MPV17L: variants seen among roughly 807,000 people sequenced by gnomAD.
The protein encoded by MPV17L is MPV17 mitochondrial inner membrane protein like.
MPV17L carries 24 observed loss-of-function variants against 25.8 expected under a neutral mutation model. That is an observed-to-expected ratio of 0.93 (90% CI 0.67 to 1.31). The LOEUF (loss-of-function observed/expected upper bound fraction) is 1.31, where lower values mean the gene tolerates loss of function less well. Ranked by LOEUF, MPV17L falls within the 50% of genes most tolerant of loss-of-function variation. The pLI is 0.00. For missense variants in MPV17L, 250 were observed against 265.6 expected, an observed-to-expected ratio of 0.94 and a Z score of 0.41; for synonymous variants, 102 against 115.3, an observed-to-expected ratio of 0.88 and a Z score of 0.74.
chr16:15,398,690 G>A (rs970377953), intron 1 of MPV17L, among the ~76,000 whole-genome samples: 2 of 149,846 alleles, frequency 1.3e-5, no homozygotes, highest in Non-Finnish European at 3.0e-5. Context: ...CCAGGTTCAA[G>A]CGATTCTCCT....
rs371067694 is a variant in MPV17L, at chr16:15,398,050, C to CT, written c.310+1853dup. On this transcript the variant is annotated intron_variant, in intron 1 of 3. Coordinates refer to ENST00000396385, the MANE Select transcript of MPV17L (RefSeq NM_001128423.2). ...CTAGTGAGATTGTTCTCTTTTTCTT[C>CT]TTTTTTTTTTGAGACAGAGTCTCGC... 3.4e-3 allele frequency among the ~76,000 whole-genome samples: 514 copies of CT among 149,264 alleles called. 2 individuals carry two copies. Among genetic ancestry groups the CT allele is most frequent in the Middle Eastern group, 6.9e-3 (2 of 290 alleles).
In MPV17L at chr16:15,413,195, G is replaced by C. The variant is rs549167752; in HGVS notation, c.*5083G>C. ...GCCTGAAGATTTTGATGTTGCATTT[G>C]GCTACATTTAATCCACTTTCACCCA... is the stretch of plus-strand genomic sequence containing the variant. On this transcript the variant is annotated 3_prime_UTR_variant, in exon 4 of 4. Coordinates refer to ENST00000396385, the MANE Select transcript of MPV17L (RefSeq NM_001128423.2). 8 of 152,128 alleles carry C rather than the reference G, an allele frequency of 5.3e-5. No homozygotes were observed. In the South Asian group the frequency reaches 1.5e-3, roughly 28 times the overall value. 9.4% of individuals were successfully genotyped at this position (152,128 alleles called of 1,614,324 possible).
In MPV17L at chr16:15,408,548, A is replaced by T. The variant is rs2050702707; in HGVS notation, c.*436A>T. On this transcript the variant is annotated 3_prime_UTR_variant, in exon 4 of 4. Coordinates refer to ENST00000396385, the MANE Select transcript of MPV17L (RefSeq NM_001128423.2). ...AGAACTCAATCGAAATGAAGATTTAATAACCAGATTTCTTTCTCCAAAACA... is the reference window on the plus strand; with the variant it reads ...AGAACTCAATCGAAATGAAGATTTATTAACCAGATTTCTTTCTCCAAAACA... 1.3e-5 allele frequency: 2 copies of T among 153,308 alleles called. No individual in the cohort carries two copies. Among genetic ancestry groups the T allele is most frequent in the Admixed American group, 6.5e-5 (1 of 15,280 alleles). The allele number at this position is 153,308 out of a possible 1,614,324, so 9.5% of individuals were successfully genotyped here.
chr16:15,398,590 CTTTTTT>C (rs397742667), intron 1 of MPV17L, among the ~76,000 whole-genome samples: 28 of 137,094 alleles, frequency 2.0e-4, no homozygotes, highest in Middle Eastern at 3.7e-3. Context: ...TTCTTTCTTT[CTTTTTT>C]TTTTTTTTTG....
Position 15,411,617 on chromosome 16 carries a change from A to C in MPV17L, c.*3505A>C, listed in dbSNP as rs1431413914. 1 of 152,210 alleles carries C rather than the reference A, an allele frequency of 6.6e-6. No homozygotes were observed. Among genetic ancestry groups the C allele is most frequent in the African/African-American group, 2.4e-5 (1 of 41,456 alleles). The allele number at this position is 152,210 out of a possible 1,614,324, so 9.4% of individuals were successfully genotyped here. A position where few individuals can be genotyped will look rare whatever the true frequency, so the allele number is the denominator to read the frequency against. On this transcript the variant is annotated 3_prime_UTR_variant, in exon 4 of 4. Coordinates refer to ENST00000396385, the MANE Select transcript of MPV17L (RefSeq NM_001128423.2). ...TAAATGGATGCAACTGAATGAGATG[A>C]GGTCTCTCTTGAAGGAGAGAGCAAA...
In MPV17L at chr16:15,410,718, T is replaced by C. The variant is rs1415939503; in HGVS notation, c.*2606T>C. ...ACTATATACCTAAAAATTGAGCATA[T>C]AATTTGTATAATTTGTTTATGTAAG... is the stretch of plus-strand genomic sequence containing the variant. On this transcript the variant is annotated 3_prime_UTR_variant, in exon 4 of 4. Coordinates refer to ENST00000396385, the MANE Select transcript of MPV17L (RefSeq NM_001128423.2). 2 of 152,230 alleles carry C rather than the reference T, an allele frequency of 1.3e-5. No individual in the cohort carries two copies. Among genetic ancestry groups the C allele is most frequent in the South Asian group, 4.1e-4 (2 of 4,838 alleles). The allele number at this position is 152,230 out of a possible 1,614,324, so 9.4% of individuals were successfully genotyped here. A position where few individuals can be genotyped will look rare whatever the true frequency, so the allele number is the denominator to read the frequency against.
At position 15,396,147 on chromosome 16, in the gene MPV17L, G is replaced by T. The variant is rs1181855897; in HGVS notation, c.250G>T (p.Ala84Ser). 5.2e-6 allele frequency: 8 copies of T among 1,549,348 alleles called. No individual in the cohort carries two copies. In the Admixed American group the frequency reaches 7.8e-5, roughly 15 times the overall value. Residue 84 changes from alanine (A) to serine (S), a missense_variant, in exon 1 of 4, where the codon GCC (alanine) becomes TCC (serine). Coordinates refer to ENST00000396385, the MANE Select transcript of MPV17L (RefSeq NM_001128423.2). ...LPGRAPHALL[A>S]KLLCDQVVGA... ...GGGCCGAGCGCCGCACGCCCTGCTGGCCAAGTTGCTGTGCGACCAGGTGGT... is the reference window on the plus strand; with the variant it reads ...GGGCCGAGCGCCGCACGCCCTGCTGTCCAAGTTGCTGTGCGACCAGGTGGT...
At chr16:15,397,724 G>C (rs1445336942) in intron 1 of MPV17L, among the ~76,000 whole-genome samples, 1 of 152,054 alleles carries the variant, frequency 6.6e-6, no homozygotes, top group Non-Finnish European at 1.5e-5. Context: ...AACCTACCCT[G>C]CCCCGTGTGC....
chr16:15,400,888 A>G, intron 2 of MPV17L, 31 bp downstream of exon 2: 2 of 1,471,306 alleles, frequency 1.4e-6, no homozygotes, highest in Non-Finnish European at 1.9e-6. Flanking sequence ...TGTAATCACT[A>G]TATTTTTGTG....
chr16:15,403,165 C>G (rs541830273), intron 2 of MPV17L, among the ~76,000 whole-genome samples: 1 of 150,224 alleles, frequency 6.7e-6, no homozygotes, highest in East Asian at 2.0e-4. Flanking sequence ...GTCAGGAGAT[C>G]GAGACCATCC....
rs1414782148 is a variant in MPV17L, at chr16:15,413,143, A to T, written c.*5031A>T. 1 of 152,200 alleles carries T rather than the reference A, an allele frequency of 6.6e-6. No homozygotes were observed. The highest frequency in any genetic ancestry group is 6.6e-5 in the Admixed American group (1 of 15,262). The allele number at this position is 152,200 out of a possible 1,614,324, so 9.4% of individuals were successfully genotyped here. On this transcript the variant is annotated 3_prime_UTR_variant, in exon 4 of 4. Transcript: ENST00000396385. The stretch of plus-strand genomic sequence containing the variant: ...TTTGAAATTAGGTTCATCTTCTGAG[A>T]GTATTAAAAAGTTAATGGGTTTTTG...
intron 2 of MPV17L, among the ~76,000 whole-genome samples, chr16:15,401,086 ATT>A (rs1242552489): frequency 3.4e-3 from 67 of 19,850 alleles, no homozygotes; most frequent in African/African-American, 9.6e-3. Context: ...ATATATATAT[ATT>A]TTTTTTTTTT....
At chr16:15,401,766 G>A (rs1363914467) in intron 2 of MPV17L, among the ~76,000 whole-genome samples, 2 of 152,046 alleles carry the variant, frequency 1.3e-5, no homozygotes, top group African/African-American at 2.4e-5. Context: ...GCAGTGAGCC[G>A]AGATCGCACC....
rs2050746892 is a variant in MPV17L at position 15,412,918 on chromosome 16, A to T, written c.*4806A>T. On this transcript the variant is annotated 3_prime_UTR_variant, in exon 4 of 4. Coordinates refer to ENST00000396385, the MANE Select transcript of MPV17L (RefSeq NM_001128423.2). ...TCTAACTCATACATCATTGCTATAA[A>T]CCTTATTTGTTTACTGTTTCTCTTC... 6.6e-6 allele frequency: 1 copy of T among 151,886 alleles called. No homozygotes were observed. Among genetic ancestry groups the T allele is most frequent in the Non-Finnish European group, 1.5e-5 (1 of 67,978 alleles). 9.4% of individuals were successfully genotyped at this position (151,886 alleles called of 1,614,324 possible). A position where few individuals can be genotyped will look rare whatever the true frequency, so the allele number is the denominator to read the frequency against.
intron 2 of MPV17L, among the ~76,000 whole-genome samples, chr16:15,405,259 C>A (rs117639221): frequency 6.6e-6 from 1 of 151,590 alleles, no homozygotes; most frequent in African/African-American, 2.4e-5. Flanking sequence ...AAGCCATGGC[C>A]AGGCACAGTG....
At position 15,396,143 on chromosome 16, in the gene MPV17L, G is replaced by T. The variant is rs762578902; in HGVS notation, c.246G>T (p.Leu82=). 4.8e-5 allele frequency: 74 copies of T among 1,549,108 alleles called. No individual in the cohort carries two copies. The South Asian group carries it at 8.7e-4, about 18-fold the overall frequency. The change falls in exon 1 of 4, where the codon CTG becomes CTT. Residue 82 remains leucine, a synonymous_variant. Transcript: ENST00000396385. ...RALPGRAPHA[L]LAKLLCDQVV... is the part of the protein sequence containing the mutation. Reference sequence around the variant, plus strand: ...TCCCGGGCCGAGCGCCGCACGCCCTGCTGGCCAAGTTGCTGTGCGACCAGG... The same window carrying T: ...TCCCGGGCCGAGCGCCGCACGCCCTTCTGGCCAAGTTGCTGTGCGACCAGG...
At chr16:15,407,279 T>A (rs2050688705) in intron 2 of MPV17L, among the ~76,000 whole-genome samples, 1 of 152,108 alleles carries the variant, frequency 6.6e-6, no homozygotes, top group African/African-American at 2.4e-5. Context: ...AGGAATGTCT[T>A]CTACCTAATA....
intron 1 of MPV17L, among the ~76,000 whole-genome samples, chr16:15,398,253 A>T (rs2050604191): frequency 6.7e-6 from 1 of 149,590 alleles, no homozygotes; most frequent in Admixed American, 6.6e-5. Flanking sequence ...CATGTTGGCC[A>T]GGCTGGTCTC....
intron 3 of MPV17L, 32 bp from the exon 4 acceptor site, chr16:15,407,901 T>C (rs1369517807): frequency 4.3e-6 from 7 of 1,613,542 alleles, no homozygotes; most frequent in Non-Finnish European, 5.9e-6. Flanking sequence ...TTGGTTTCCA[T>C]GTGGCCCTAA....
Sources: gnomAD v4.1 joint callset for allele counts (sites outside exome capture counted in the v4.1 genomes callset) on GRCh38, gnomAD v4.1.1 for gene constraint, MANE v1.5 for transcripts, NCBI Gene and HGNC (gene_info 2026-07-23, HGNC 2026-07-21) for gene names.